The following GALNT10 variants were observed in gnomAD, a reference collection of about 807,000 sequenced individuals.
GALNT10 encodes the protein GalNAc transferase 10.
In GALNT10, 41 loss-of-function variants were observed where a neutral mutation model predicts 75.0. The ratio of observed to expected loss-of-function variants is 0.55; its 90% CI spans 0.43 to 0.71. The LOEUF (loss-of-function observed/expected upper bound fraction) is 0.71. Among genes scored for constraint, GALNT10 ranks in the 30% least tolerant of loss-of-function variants. The pLI, the probability that GALNT10 is intolerant of heterozygous loss-of-function variation, is 0.00. For missense variants in GALNT10, 727 were observed against 818.5 expected, an observed-to-expected ratio of 0.89 and a Z score of 1.36; for synonymous variants, 302 against 313.0, an observed-to-expected ratio of 0.96 and a Z score of 0.37.
intron 5 of GALNT10, among the ~76,000 whole-genome samples, chr5:154,377,408 G>A (rs1380979058): frequency 6.6e-6 from 1 of 152,220 alleles, no homozygotes; most frequent in African/African-American, 2.4e-5. Flanking sequence ...AGAATGCTTA[G>A]GGAGCAAAGA....
intron 3 of GALNT10, among the ~76,000 whole-genome samples, chr5:154,306,955 A>G (rs1344539793): frequency 1.3e-5 from 2 of 152,234 alleles, no homozygotes; most frequent in Non-Finnish European, 2.9e-5. Context: ...TGGATATGAA[A>G]CATTTACCAC....
At chr5:154,255,983 G>A (rs1049394133) in intron 1 of GALNT10, among the ~76,000 whole-genome samples, 1 of 152,032 alleles carries the variant, frequency 6.6e-6, no homozygotes, top group African/African-American at 2.4e-5. Context: ...CATTACCAGT[G>A]AAGTATAACT....
At chr5:154,326,300 G>A (rs1754755693) in intron 3 of GALNT10, among the ~76,000 whole-genome samples, 1 of 152,174 alleles carries the variant, frequency 6.6e-6, no homozygotes, top group African/African-American at 2.4e-5. Context: ...ATTGCTGGTG[G>A]GAATGTGAAA....
rs902114674 is a variant in GALNT10 at position 154,380,445 on chromosome 5, C to G, written c.755-3C>G. 6.2e-7 allele frequency: 1 copy of G among 1,611,878 alleles called. No homozygotes were observed. Among genetic ancestry groups the G allele is most frequent in the Non-Finnish European group, 8.5e-7 (1 of 1,178,328 alleles). ...TCTGATAGGCATCTCTTGGCTTCTT[C>G]AGACCGCATTGCTCGGAACCGCAAG... On this transcript the variant is annotated splice_region_variant and splice_polypyrimidine_tract_variant and intron_variant, in intron 5 of 11. Transcript: ENST00000297107.
At chr5:154,247,332 T>C (rs1219476091) in intron 1 of GALNT10, among the ~76,000 whole-genome samples, 3 of 152,204 alleles carry the variant, frequency 2.0e-5, no homozygotes, top group African/African-American at 7.2e-5. Context: ...AGTAGTTTTT[T>C]CCAATTCTGT....
At chr5:154,347,434 G>A (rs1218027291) in intron 4 of GALNT10, among the ~76,000 whole-genome samples, 2 of 151,422 alleles carry the variant, frequency 1.3e-5, no homozygotes, top group East Asian at 2.0e-4. Flanking sequence ...TGCAACCATA[G>A]CCCACTGCAG....
intron 3 of GALNT10, among the ~76,000 whole-genome samples, chr5:154,322,443 T>C (rs947718319): frequency 3.3e-5 from 5 of 152,110 alleles, no homozygotes; most frequent in African/African-American, 1.2e-4. Flanking sequence ...CCCTTGTGAT[T>C]ACATTGGGAC....
intron 4 of GALNT10, among the ~76,000 whole-genome samples, chr5:154,350,189 TAA>T (rs370359115): frequency 0.027 from 3,923 of 146,540 alleles, 60 homozygotes; most frequent in African/African-American, 0.04. Flanking sequence ...TGCTTTCCTT[TAA>T]AAAAAAAAAA....
chr5:154,399,749 AC>A (rs1756118764), intron 7 of GALNT10, among the ~76,000 whole-genome samples: 1 of 152,186 alleles, frequency 6.6e-6, no homozygotes. Context: ...TGTGCTAGGC[AC>A]TGGGGGTCCA....
At chr5:154,415,968 T>TA in intron 11 of GALNT10, 36 bp downstream of exon 11, 1 of 1,601,938 alleles carries the variant, frequency 6.2e-7, no homozygotes. Flanking sequence ...GGCACCTGCT[T>TA]AATTTTTTTT....
rs1470082128 is a variant in GALNT10, at chr5:154,190,994, CG to C, written c.133del (p.Ala45ArgfsTer27). 3 of 1,487,736 alleles carry C rather than the reference CG, an allele frequency of 2.0e-6. No homozygotes were observed. Among genetic ancestry groups the C allele is most frequent in the Non-Finnish European group, 2.7e-6 (3 of 1,117,690 alleles). 92.2% of individuals were successfully genotyped at this position (1,487,736 alleles called of 1,614,324 possible). ...ERQPDGTPGG[S>X]GAAVAPAAGQ... Reference sequence around the variant, plus strand: ...CAGCCCGACGGCACCCCTGGGGGATCGGGGGCGGCGGTGGCGCCGGCGGCGG... The same window carrying C: ...CAGCCCGACGGCACCCCTGGGGGATCGGGGCGGCGGTGGCGCCGGCGGCGG... On this transcript the variant is annotated frameshift_variant, in exon 1 of 12. Coordinates refer to ENST00000297107, the MANE Select transcript of GALNT10 (RefSeq NM_198321.4). LOFTEE classifies it high-confidence loss of function.
intron 4 of GALNT10, among the ~76,000 whole-genome samples, chr5:154,369,312 C>T (rs1303570691): frequency 2.0e-5 from 3 of 152,096 alleles, no homozygotes; most frequent in Non-Finnish European, 4.4e-5. Flanking sequence ...CACTTGAACC[C>T]AGGAAGCGGA....
chr5:154,193,657 T>C (rs1774895055), intron 1 of GALNT10, among the ~76,000 whole-genome samples: 1 of 152,240 alleles, frequency 6.6e-6, no homozygotes, highest in Non-Finnish European at 1.5e-5. Flanking sequence ...CTGACAGGAC[T>C]TTATCCAAAT....
Position 154,337,632 on chromosome 5 carries a change from T to A in GALNT10, c.568+7894T>A, listed in dbSNP as rs992889973. The A allele has an allele frequency of 3.1e-5, 29 of 936,738 alleles. No homozygotes were observed. In the Admixed American group the frequency reaches 3.4e-4, roughly 11 times the overall value. 58.0% of individuals were successfully genotyped at this position (936,738 alleles called of 1,614,324 possible). ...TCCAAAATTTGAAGACTGATAGTTG[T>A]AATTGCCAAAATCATTGTAGCTTCC... On this transcript the variant is annotated intron_variant, in intron 4 of 11. Transcript: ENST00000297107.
chr5:154,413,967 A>T (rs1254963863), intron 10 of GALNT10, among the ~76,000 whole-genome samples: 1 of 152,168 alleles, frequency 6.6e-6, no homozygotes, highest in Non-Finnish European at 1.5e-5. Context: ...AAAGTCAATA[A>T]TTTTTTTAAT....
intron 1 of GALNT10, among the ~76,000 whole-genome samples, chr5:154,250,308 C>A (rs999708887): frequency 6.6e-6 from 1 of 152,042 alleles, no homozygotes; most frequent in African/African-American, 2.4e-5. Context: ...TCTAGGTGGG[C>A]TTTTAAATTA....
At chr5:154,385,113 A>G (rs1396318541) in intron 6 of GALNT10, among the ~76,000 whole-genome samples, 3 of 152,286 alleles carry the variant, frequency 2.0e-5, no homozygotes, top group African/African-American at 7.2e-5. Flanking sequence ...ATGAGCTTGC[A>G]CTTCCAGGGA....
chr5:154,330,911 GTGT>G (rs1754851525), intron 4 of GALNT10, among the ~76,000 whole-genome samples: 1 of 77,348 alleles, frequency 1.3e-5, no homozygotes, highest in African/African-American at 3.7e-5. Context: ...CAGAGAGGGT[GTGT>G]GTGTGTGTGT....
intron 4 of GALNT10, chr5:154,337,475 C>T (rs933982153): frequency 5.6e-6 from 4 of 716,312 alleles, no homozygotes; most frequent in African/African-American, 3.5e-5. Flanking sequence ...ATTAAAATCT[C>T]CTGCCACTGC....
Sources: gnomAD v4.1 joint callset for allele counts (sites outside exome capture counted in the v4.1 genomes callset) on GRCh38, gnomAD v4.1.1 for gene constraint, MANE v1.5 for transcripts, NCBI Gene and HGNC (gene_info 2026-07-23, HGNC 2026-07-21) for gene names.